Variants in PAPPA2 observed in about 807,000 individuals in gnomAD.
The protein encoded by PAPPA2 is pappalysin-2.
PAPPA2 carries 86 observed loss-of-function variants against 176.4 expected under a neutral mutation model. That is an observed-to-expected ratio of 0.49 (90% CI 0.41 to 0.58). The LOEUF (loss-of-function observed/expected upper bound fraction) is 0.58. PAPPA2 is among the 20% of genes least tolerant of loss of function. PAPPA2 has a pLI of 0.00. For missense variants in PAPPA2, 2,073 were observed against 2,256.9 expected, an observed-to-expected ratio of 0.92 and a Z score of 1.65; for synonymous variants, 809 against 852.2, an observed-to-expected ratio of 0.95 and a Z score of 0.88.
chr1:176,524,949 G>A (rs2102543400), intron 1 of PAPPA2, among the ~76,000 whole-genome samples: 1 of 152,362 alleles, frequency 6.6e-6, no homozygotes, highest in Non-Finnish European at 1.5e-5. Flanking sequence ...GGCTGAGACA[G>A]GAGAATAGCG....
chr1:176,696,580 T>G (rs1357753005), intron 7 of PAPPA2, among the ~76,000 whole-genome samples: 4 of 152,220 alleles, frequency 2.6e-5, no homozygotes, highest in Non-Finnish European at 1.5e-5. Context: ...TAAGACAAAT[T>G]AAAGCATGAA....
At chr1:176,577,611 C>G (rs1016087865) in intron 2 of PAPPA2, among the ~76,000 whole-genome samples, 1 of 152,124 alleles carries the variant, frequency 6.6e-6, no homozygotes, top group African/African-American at 2.4e-5. Flanking sequence ...ACTCTTCCTG[C>G]TCACACAGTC....
intron 3 of PAPPA2, among the ~76,000 whole-genome samples, chr1:176,656,990 A>G (rs1284093690): frequency 2.0e-5 from 3 of 151,902 alleles, no homozygotes; most frequent in Admixed American, 6.6e-5. Context: ...GGCAACTACT[A>G]AATCTCAGAC....
At chr1:176,577,218 C>G (rs1041604858) in intron 2 of PAPPA2, among the ~76,000 whole-genome samples, 24 of 152,142 alleles carry the variant, frequency 1.6e-4, no homozygotes, top group African/African-American at 5.8e-4. Flanking sequence ...AGATTCTTAT[C>G]CCCCATCTCA....
chr1:176,796,894 C>T (rs1246158255), intron 20 of PAPPA2, among the ~76,000 whole-genome samples: 4 of 151,382 alleles, frequency 2.6e-5, no homozygotes, highest in African/African-American at 9.7e-5. Flanking sequence ...TTCTTCCTTC[C>T]CTCCCACTCC....
intron 3 of PAPPA2, chr1:176,616,831 T>C: frequency 1.6e-6 from 1 of 633,760 alleles, no homozygotes. Flanking sequence ...TATGAAATAA[T>C]TAAAAAATTG....
In PAPPA2 at chr1:176,771,130, A is replaced by C. The variant is rs1664205778; in HGVS notation, c.4665A>C (p.Glu1555Asp). The C allele has an allele frequency of 6.2e-7, 1 of 1,614,082 alleles. No homozygotes were observed. Among genetic ancestry groups the C allele is most frequent in the East Asian group, 2.2e-5 (1 of 44,890 alleles). ...NHDVGTICKY[E>D]CKPGYYVAES... ...ACGTGGGCACCATCTGCAAATATGA[A>C]TGCAAACCAGGGTACTATGTGGCAG... Residue 1555 changes from glutamate to aspartate, a missense_variant, in exon 17 of 23, where the codon GAA becomes GAC. Around this residue, in one of 4 missense-constraint regions of PAPPA2, gnomAD observed 846 missense variants for 857.9 expected, o/e 0.99. Transcript: ENST00000367662.
intron 17 of PAPPA2, among the ~76,000 whole-genome samples, chr1:176,779,835 C>T (rs1664635725): frequency 6.6e-6 from 1 of 152,186 alleles, no homozygotes; most frequent in South Asian, 2.1e-4. Context: ...GCTACACATT[C>T]TTCCTGATGG....
chr1:176,467,531 G>A (rs1572937979), intron 1 of PAPPA2, among the ~76,000 whole-genome samples: 1 of 152,196 alleles, frequency 6.6e-6, no homozygotes, highest in Admixed American at 6.5e-5. Flanking sequence ...GGGTTCTGGG[G>A]CAAGGAAGAG....
chr1:176,686,670 C>A (rs7528063), intron 4 of PAPPA2, among the ~76,000 whole-genome samples: 29,466 of 152,034 alleles, frequency 0.19, 3,121 homozygotes, highest in African/African-American at 0.29. Context: ...TCTTGAAACA[C>A]AAACTGCAAG....
At chr1:176,666,974 C>T (rs1658697090) in intron 3 of PAPPA2, among the ~76,000 whole-genome samples, 2 of 152,100 alleles carry the variant, frequency 1.3e-5, no homozygotes, top group African/African-American at 2.4e-5. Context: ...GGCCGGGTAC[C>T]GTGGCTCACG....
At chr1:176,677,083 A>G (rs944160632) in intron 4 of PAPPA2, among the ~76,000 whole-genome samples, 3 of 152,138 alleles carry the variant, frequency 2.0e-5, no homozygotes, top group African/African-American at 7.2e-5. Context: ...TCAATAGGAA[A>G]TTGTTTGTGT....
intron 3 of PAPPA2, among the ~76,000 whole-genome samples, chr1:176,628,556 T>A (rs1032940221): frequency 2.0e-5 from 3 of 152,110 alleles, no homozygotes; most frequent in African/African-American, 4.8e-5. Context: ...TTTGTGAGTG[T>A]TTGTATGTTT....
At chr1:176,637,289 A>G (rs1656759064) in intron 3 of PAPPA2, among the ~76,000 whole-genome samples, 1 of 152,170 alleles carries the variant, frequency 6.6e-6, no homozygotes, top group Non-Finnish European at 1.5e-5. Context: ...ATGAAGAGCC[A>G]TGGTTGGCTT....
chr1:176,724,544 T>A (rs1031054112), intron 12 of PAPPA2, among the ~76,000 whole-genome samples: 4 of 152,118 alleles, frequency 2.6e-5, no homozygotes, highest in African/African-American at 9.7e-5. Flanking sequence ...GCTGGACTGG[T>A]TAGCAATCCC....
chr1:176,711,075 C>T lies in PAPPA2; in HGVS notation c.3652-760C>T, dbSNP rs796261079. 2.0e-5 allele frequency among the ~76,000 whole-genome samples: 3 copies of T among 152,180 alleles called. No homozygotes were observed. In the South Asian group the frequency reaches 6.2e-4, roughly 31 times the overall value. ...AATAATAGCTTTTCTGGAAGTTCCA[C>T]CCGCCTCTTACTGGTCAGATCCAGG... On this transcript the variant is annotated intron_variant, in intron 11 of 22. Transcript: ENST00000367662.
chr1:176,818,352 C>A (rs1666493839), intron 21 of PAPPA2, among the ~76,000 whole-genome samples: 1 of 152,202 alleles, frequency 6.6e-6, no homozygotes, highest in South Asian at 2.1e-4. Flanking sequence ...TAACTAAAGA[C>A]AAAGTTTATA....
intron 3 of PAPPA2, among the ~76,000 whole-genome samples, chr1:176,631,844 T>C (rs1009234454): frequency 1.3e-5 from 2 of 152,080 alleles, no homozygotes; most frequent in African/African-American, 4.8e-5. Flanking sequence ...CCACAGAACA[T>C]TTTCATATGG....
intron 7 of PAPPA2, 85 bp from the exon 8 acceptor site, chr1:176,699,015 T>C (rs542309610): frequency 2.0e-4 from 296 of 1,463,768 alleles, no homozygotes; most frequent in Non-Finnish European, 2.6e-4. Context: ...CTCTCCATAG[T>C]TCCTCTTTCT....
Sources: allele counts gnomAD v4.1 joint callset (sites outside exome capture counted in the v4.1 genomes callset), GRCh38; gene constraint gnomAD v4.1.1; regional missense constraint gnomAD v4.1.1; transcripts MANE v1.5; gene names NCBI Gene and HGNC (gene_info 2026-07-23, HGNC 2026-07-21).